Variants in DLC1 observed in about 807,000 individuals in gnomAD.
DLC1 encodes the protein rho GTPase-activating protein 7.
In DLC1, 54 loss-of-function variants were observed where a neutral mutation model predicts 140.3. The observed-to-expected ratio is 0.38, with a 90% confidence interval of 0.31 to 0.48. DLC1 has a LOEUF of 0.48. DLC1 is among the 20% of genes least tolerant of loss of function. DLC1 has a pLI of 0.96. For missense variants in DLC1, 2,536 were observed against 1,907.0 expected, an observed-to-expected ratio of 1.33 and a Z score of -6.14; for synonymous variants, 986 against 728.1, an observed-to-expected ratio of 1.35 and a Z score of -5.70.
At chr8:13,566,272 C>T (rs1285894567) in intron 1 of DLC1, among the ~76,000 whole-genome samples, 2 of 152,000 alleles carry the variant, frequency 1.3e-5, no homozygotes, top group African/African-American at 4.8e-5. Context: ...TGAGGACGGG[C>T]GTGGATATGC....
chr8:13,558,369 G>C (rs1804127424), intron 1 of DLC1: 1 of 152,190 alleles, frequency 6.6e-6, no homozygotes, highest in South Asian at 2.1e-4. Flanking sequence ...TTTTGTGACT[G>C]ATGGGATGTG....
At chr8:13,568,381 A>C (rs1804531348) in intron 1 of DLC1, 2 of 172,932 alleles carry the variant, frequency 1.2e-5, no homozygotes, top group South Asian at 3.5e-4. Context: ...GAACTGTTGA[A>C]GAGTATGATT....
At chr8:13,560,159 G>A (rs1194881946) in intron 1 of DLC1, among the ~76,000 whole-genome samples, 1 of 152,100 alleles carries the variant, frequency 6.6e-6, no homozygotes, top group Admixed American at 6.5e-5. Flanking sequence ...ATATAGCTGA[G>A]TAATATAGAA....
chr8:13,560,906 CA>C (rs879496041), intron 1 of DLC1, among the ~76,000 whole-genome samples: 1 of 152,084 alleles, frequency 6.6e-6, no homozygotes, highest in African/African-American at 2.4e-5. Context: ...CAGAAGGAAC[CA>C]ACCCTACTGA....
chr8:13,464,120 C>T (rs913822837), intron 2 of DLC1, among the ~76,000 whole-genome samples: 1 of 152,114 alleles, frequency 6.6e-6, no homozygotes, highest in African/African-American at 2.4e-5. Flanking sequence ...TGTTGGATTT[C>T]TTGGAGGACA....
chr8:13,201,867 G>C (rs888067407), intron 5 of DLC1, among the ~76,000 whole-genome samples: 3 of 150,536 alleles, frequency 2.0e-5, no homozygotes, highest in African/African-American at 7.3e-5. Context: ...CATGTCACAG[G>C]GTTTGTCATA....
chr8:13,517,494 G>A (rs544109634), upstream of DLC1, among the ~76,000 whole-genome samples: 1 of 151,856 alleles, frequency 6.6e-6, no homozygotes, highest in African/African-American at 2.4e-5. Flanking sequence ...ATTTTTCATT[G>A]TTGAGTTGCT....
intron 8 of DLC1, 69 bp from the exon 9 acceptor site, chr8:13,100,839 G>C (rs535009060): frequency 6.8e-7 from 1 of 1,471,242 alleles, no homozygotes; most frequent in Admixed American, 2.4e-5. Context: ...GCATGAGCAG[G>C]AGGCTGCTCA....
At chr8:13,187,778 T>G (rs1246885231) in intron 5 of DLC1, among the ~76,000 whole-genome samples, 1 of 152,256 alleles carries the variant, frequency 6.6e-6, no homozygotes, top group East Asian at 1.9e-4. Context: ...CCACTAACAT[T>G]TGTGGGATAT....
chr8:13,358,291 C>A (rs1255053999), intron 4 of DLC1, among the ~76,000 whole-genome samples: 2 of 152,122 alleles, frequency 1.3e-5, no homozygotes, highest in African/African-American at 2.4e-5. Flanking sequence ...GAATAAGCAA[C>A]CTGAAGAACC....
intron 5 of DLC1, among the ~76,000 whole-genome samples, chr8:13,180,440 C>G (rs1825968566): frequency 3.9e-5 from 6 of 151,968 alleles, no homozygotes. Flanking sequence ...CCTGCTTAAG[C>G]CAGACACTGT....
At chr8:13,327,120 A>ATTTTT (rs34667525) in intron 4 of DLC1, among the ~76,000 whole-genome samples, 77 of 85,630 alleles carry the variant, frequency 9.0e-4, no homozygotes, top group African/African-American at 1.3e-3. Context: ...ACACCCGGCT[A>ATTTTT]TTTTTTTTTT....
chr8:13,113,618 A>G (rs570234090), intron 6 of DLC1, among the ~76,000 whole-genome samples: 2 of 152,388 alleles, frequency 1.3e-5, no homozygotes, highest in Admixed American at 1.3e-4. Context: ...ACAAAAGGAC[A>G]GCCACTTTGG....
chr8:13,382,849 A>G (rs777323982), intron 4 of DLC1, among the ~76,000 whole-genome samples: 3 of 152,210 alleles, frequency 2.0e-5, no homozygotes, highest in Non-Finnish European at 4.4e-5. Flanking sequence ...GATTATGAAG[A>G]CAATGTCTTT....
chr8:13,486,649 T>C (rs1800981038), intron 2 of DLC1, among the ~76,000 whole-genome samples: 1 of 152,188 alleles, frequency 6.6e-6, no homozygotes, highest in Admixed American at 6.5e-5. Flanking sequence ...TATTTAGTTT[T>C]TTCCAGCTGA....
At chr8:13,383,086 A>C (rs1482919553) in intron 4 of DLC1, among the ~76,000 whole-genome samples, 1 of 152,224 alleles carries the variant, frequency 6.6e-6, no homozygotes, top group Non-Finnish European at 1.5e-5. Flanking sequence ...AGAAAACAAG[A>C]TGAGAAATCA....
chr8:13,186,637 G>A (rs1001722782), intron 5 of DLC1, among the ~76,000 whole-genome samples: 3 of 152,166 alleles, frequency 2.0e-5, no homozygotes, highest in African/African-American at 7.2e-5. Context: ...CTGACCTTCT[G>A]AAGCCTACTT....
intron 4 of DLC1, among the ~76,000 whole-genome samples, chr8:13,385,901 T>C (rs1171884698): frequency 6.6e-6 from 1 of 152,172 alleles, no homozygotes; most frequent in African/African-American, 2.4e-5. Flanking sequence ...ATATTTAATA[T>C]GTAATTAGAG....
chr8:13,459,738 AC>A (rs1434286944), intron 2 of DLC1, among the ~76,000 whole-genome samples: 6 of 151,990 alleles, frequency 3.9e-5, no homozygotes, highest in African/African-American at 1.5e-4. Flanking sequence ...CTAAATAGTG[AC>A]CCCTTTGATT....
Sources: gnomAD v4.1 joint callset for allele counts (sites outside exome capture counted in the v4.1 genomes callset) on GRCh38, gnomAD v4.1.1 for gene constraint, MANE v1.5 for transcripts, NCBI Gene and HGNC (gene_info 2026-07-23, HGNC 2026-07-21) for gene names.